Variants in MYO10 observed in about 807,000 individuals in gnomAD.
The protein encoded by MYO10 is myosin X.
Under a neutral mutation model 257.3 loss-of-function variants are expected in MYO10, and 133 were observed. That is an observed-to-expected ratio of 0.52 (90% CI 0.45 to 0.60). MYO10 has a LOEUF of 0.60. Among genes scored for constraint, MYO10 ranks in the 20% least tolerant of loss-of-function variants. MYO10 has a pLI of 0.00. For synonymous variants in MYO10, 1,104 were observed against 1,028.6 expected (o/e 1.07, Z -1.40); for missense variants, 2,399 against 2,635.7 (o/e 0.91, Z 1.97).
At chr5:16,893,770 AT>A (rs1745140127) in intron 1 of MYO10, among the ~76,000 whole-genome samples, 13 of 152,152 alleles carry the variant, frequency 8.5e-5, no homozygotes, top group Admixed American at 5.2e-4. Context: ...AAATAAATAA[AT>A]AAATAAGTGG....
chr5:16,711,256 CAAA>C lies in MYO10; in HGVS notation c.1930-14_1930-12del. On this transcript the variant is annotated splice_polypyrimidine_tract_variant and intron_variant, in intron 19 of 40. Transcript: ENST00000513610. Reference sequence around the variant, plus strand: ...AAACTGGTCTGGCATCTAAACCATGCAAAAAAAAAAGATGGGATACCATTAGAA... The same window carrying C: ...AAACTGGTCTGGCATCTAAACCATGCAAAAAAAGATGGGATACCATTAGAA... The C allele has an allele frequency of 1.3e-6, 2 of 1,533,248 alleles. No individual in the cohort carries two copies. Among genetic ancestry groups the C allele is most frequent in the Non-Finnish European group, 1.8e-6 (2 of 1,129,938 alleles). 95.0% of individuals were successfully genotyped at this position (1,533,248 alleles called of 1,614,324 possible).
intron 19 of MYO10, among the ~76,000 whole-genome samples, chr5:16,750,127 G>A (rs888464377): frequency 6.6e-6 from 1 of 152,120 alleles, no homozygotes; most frequent in African/African-American, 2.4e-5. Flanking sequence ...TGTGAACTCT[G>A]AAAACTCTAA....
At chr5:16,672,649 C>G (rs1210578184) in intron 37 of MYO10, 40 bp downstream of exon 37, 1 of 1,611,488 alleles carries the variant, frequency 6.2e-7, no homozygotes, top group South Asian at 1.1e-5. Flanking sequence ...TGCAATTTCT[C>G]TTATTTGCTC....
Position 16,694,500 on chromosome 5 carries a change from C to A in MYO10, c.3671G>T (p.Gly1224Val). The change falls in exon 27 of 41, where the codon GGG becomes GTG. Residue 1224 changes from glycine to valine, a missense_variant. This residue lies in a region of MYO10 where 1,820 missense variants were observed against 1,939.4 expected (regional missense o/e 0.94). Coordinates refer to ENST00000513610, the MANE Select transcript of MYO10 (RefSeq NM_012334.3). ...TCTCCTGGACAGCGTGGAGGAGCCC[C>A]CCCCTTTTTTGTGGAGCCAGCCTTG... is the stretch of plus-strand genomic sequence containing the variant. ...LKQGWLHKKG[G>V]GSSTLSRRNW... The A allele has an allele frequency of 6.2e-7, 1 of 1,614,002 alleles. No individual in the cohort carries two copies.
chr5:16,710,637 G>A (rs2126575015), intron 21 of MYO10: 1 of 473,416 alleles, frequency 2.1e-6, no homozygotes, highest in Non-Finnish European at 3.8e-6. Flanking sequence ...ATTTGTTACT[G>A]CCTGAACAAA....
chr5:16,791,017 C>T (rs1741736318), intron 4 of MYO10, among the ~76,000 whole-genome samples: 1 of 151,762 alleles, frequency 6.6e-6, no homozygotes, highest in Non-Finnish European at 1.5e-5. Context: ...GAGGCAACAA[C>T]CTTGAAAATG....
chr5:16,777,841 T>C lies in MYO10; in HGVS notation c.930+1704A>G, dbSNP rs111360766. Reference sequence around the variant, plus strand: ...CACCCTAGGTGCATTGCATCTAACTTTTTTTTTTTTTTTTTTTTTTTTTTT... The same window carrying C: ...CACCCTAGGTGCATTGCATCTAACTCTTTTTTTTTTTTTTTTTTTTTTTTT... On this transcript the variant is annotated intron_variant, in intron 9 of 40. Coordinates refer to ENST00000513610, the MANE Select transcript of MYO10 (RefSeq NM_012334.3). Among the ~76,000 whole-genome samples, 38 of 67,108 alleles carry C rather than the reference T, an allele frequency of 5.7e-4. 4 individuals are homozygous for C. Among genetic ancestry groups the C allele is most frequent in the Admixed American group, 7.1e-4 (4 of 5,664 alleles). The allele number at this position is 67,108 out of a possible 152,430, so 44.0% of individuals were successfully genotyped here. A position where few individuals can be genotyped will look rare whatever the true frequency, so the allele number is the denominator to read the frequency against.
chr5:16,700,534 C>T (rs560736877), intron 25 of MYO10, among the ~76,000 whole-genome samples: 3 of 151,902 alleles, frequency 2.0e-5, no homozygotes, highest in Non-Finnish European at 4.4e-5. Flanking sequence ...AAAATTAGAC[C>T]GGTGTGCTGG....
In MYO10 at chr5:16,764,316, C is replaced by G; in HGVS notation, c.1260G>C (p.Arg420Ser). ...ACTTGAAGTCCTCATTGCCTTTGAT[C>G]CTGCTGTTGATCTTCTTGATTACCC... is the stretch of plus-strand genomic sequence containing the variant. ...FEWVIKKINS[R>S]IKGNEDFKSI... Residue 420 changes from arginine to serine, a missense_variant, in exon 12 of 41, where the codon AGG (arginine) becomes AGC (serine). Around this residue, in one of 3 missense-constraint regions of MYO10, gnomAD observed 337 missense variants for 446.8 expected, o/e 0.75. Coordinates refer to ENST00000513610, the MANE Select transcript of MYO10 (RefSeq NM_012334.3). 1.2e-6 allele frequency: 2 copies of G among 1,613,962 alleles called. No individual in the cohort carries two copies. The highest frequency in any genetic ancestry group is 2.2e-5 in the East Asian group (1 of 44,868).
At chr5:16,806,751 C>A (rs1333358513) in intron 3 of MYO10, among the ~76,000 whole-genome samples, 2 of 152,020 alleles carry the variant, frequency 1.3e-5, no homozygotes, top group East Asian at 3.9e-4. Flanking sequence ...ATATCACAAT[C>A]CCAATGCAGA....
At chr5:16,877,258 A>T (rs17707924) in intron 2 of MYO10, among the ~76,000 whole-genome samples, 10,368 of 152,292 alleles carry the variant, frequency 0.068, 440 homozygotes, top group South Asian at 0.18. Context: ...TCAGTCAGCA[A>T]ATATCATATA....
chr5:16,873,914 T>C lies in MYO10; in HGVS notation c.120+3695A>G, dbSNP rs916737543. ...TCCTCCTGGGCCTCTGGGACTGTGATGGGAGGGGCTGCCGTGAAGGTCTCT... is the reference window on the plus strand; with the variant it reads ...TCCTCCTGGGCCTCTGGGACTGTGACGGGAGGGGCTGCCGTGAAGGTCTCT... On this transcript the variant is annotated intron_variant, in intron 2 of 40. Transcript: ENST00000513610. Among the ~76,000 whole-genome samples the C allele has an allele frequency of 2.1e-4, 32 of 152,280 alleles. 1 individual carries two copies. Among genetic ancestry groups the C allele is most frequent in the African/African-American group, 7.7e-4 (32 of 41,572 alleles).
intron 21 of MYO10, 63 bp from the exon 22 acceptor site, chr5:16,704,748 T>G: frequency 7.7e-7 from 1 of 1,299,146 alleles, no homozygotes; most frequent in Non-Finnish European, 1.1e-6. Flanking sequence ...AAGGCATTTC[T>G]GAGTCAAAGA....
At position 16,764,141 on chromosome 5, in the gene MYO10, CT is replaced by C. The variant is rs1740799268; in HGVS notation, c.1326+108del. ...CAGCCTGGGATACAGAGTGAGACTCCTTCTCAAAAAAAAAAAGAAAAAAAAA... is the reference window on the plus strand; with the variant it reads ...CAGCCTGGGATACAGAGTGAGACTCCTCTCAAAAAAAAAAAGAAAAAAAAA... On this transcript the variant is annotated intron_variant, in intron 12 of 40. Coordinates refer to ENST00000513610, the MANE Select transcript of MYO10 (RefSeq NM_012334.3). 4 of 1,227,174 alleles carry C rather than the reference CT, an allele frequency of 3.3e-6. No individual in the cohort carries two copies. In the African/African-American group the frequency reaches 8.1e-5, roughly 25 times the overall value. The allele number at this position is 1,227,174 out of a possible 1,614,324, so 76.0% of individuals were successfully genotyped here.
intron 1 of MYO10, among the ~76,000 whole-genome samples, chr5:16,925,255 C>G (rs1468493611): frequency 6.6e-6 from 1 of 152,072 alleles, no homozygotes; most frequent in East Asian, 1.9e-4. Flanking sequence ...CAGAAAGGAC[C>G]TGGATGTGAA....
chr5:16,886,581 A>G (rs896624135), intron 1 of MYO10, among the ~76,000 whole-genome samples: 16 of 152,180 alleles, frequency 1.1e-4, no homozygotes, highest in African/African-American at 3.6e-4. Flanking sequence ...GCTTTCAGCT[A>G]CATCATCATC....
intron 19 of MYO10, chr5:16,713,193 T>TG (rs1738698851): frequency 2.0e-6 from 1 of 508,282 alleles, no homozygotes; most frequent in Non-Finnish European, 2.5e-6. Flanking sequence ...AGGCTTTCCC[T>TG]GTTCCTGATC....
intron 19 of MYO10, among the ~76,000 whole-genome samples, chr5:16,718,082 G>A (rs1380526666): frequency 7.9e-5 from 12 of 152,246 alleles, no homozygotes; most frequent in South Asian, 4.1e-4. Flanking sequence ...GGCAATGGGG[G>A]ACTTAGCACC....
chr5:16,667,935 A>AT (rs1736251371), intron 40 of MYO10, among the ~76,000 whole-genome samples: 1 of 152,174 alleles, frequency 6.6e-6, no homozygotes, highest in Non-Finnish European at 1.5e-5. Flanking sequence ...TGACACCGCT[A>AT]TAATTGCTAA....
Sources: gnomAD v4.1 joint callset for allele counts (sites outside exome capture counted in the v4.1 genomes callset) on GRCh38, gnomAD v4.1.1 for gene constraint, gnomAD v4.1.1 regional missense constraint, MANE v1.5 for transcripts, NCBI Gene and HGNC (gene_info 2026-07-23, HGNC 2026-07-21) for gene names.